IGLON5: variants seen among roughly 807,000 people sequenced by gnomAD.
The protein encoded by IGLON5 is IgLON family member 5, also known as Ig-like domain-containing protein ENSP00000270642.
A neutral mutation model predicts 38.2 loss-of-function variants in IGLON5; 16 were observed. The ratio of observed to expected loss-of-function variants is 0.42; its 90% confidence interval spans 0.28 to 0.64. The LOEUF is 0.64. Ranked by LOEUF, IGLON5 falls within the 30% of genes least tolerant of loss-of-function variation. IGLON5 has a pLI of 0.23. For synonymous variants in IGLON5, 207 were observed against 216.4 expected (o/e 0.96, Z 0.38); for missense variants, 366 against 483.4 (o/e 0.76, Z 2.28).
chr19:51,324,930 A>G lies in IGLON5; in HGVS notation c.392-416A>G, dbSNP rs932911650. ...TAGCATCTGTTACACAGAAAGTCCC[A>G]TGTGGGTATTTGTTAAATAAATTTA... is the stretch of plus-strand genomic sequence containing the variant. On this transcript the variant is annotated intron_variant, in intron 3 of 7. Transcript: ENST00000270642. This position sits in a 1 kb window ranked among gnomAD's most constrained non-coding sequence, Gnocchi z 4.2. Among the ~76,000 whole-genome samples the G allele has an allele frequency of 6.6e-5, 10 of 151,946 alleles. No homozygotes were observed. Among genetic ancestry groups the G allele is most frequent in the African/African-American group, 2.4e-4 (10 of 41,382 alleles).
At chr19:51,319,498 G>T (rs1189286803) in intron 1 of IGLON5, among the ~76,000 whole-genome samples, 1 of 152,064 alleles carries the variant, frequency 6.6e-6, no homozygotes, top group East Asian at 1.9e-4. Flanking sequence ...GGGAATCATG[G>T]TGCTCGCACC....
chr19:51,325,238 C>A lies in IGLON5; in HGVS notation c.392-108C>A. The A allele has an allele frequency of 6.7e-7, 1 of 1,492,418 alleles. No individual in the cohort carries two copies. Among genetic ancestry groups the A allele is most frequent in the South Asian group, 1.2e-5 (1 of 82,226 alleles). 92.4% of individuals were successfully genotyped at this position (1,492,418 alleles called of 1,614,324 possible). A position where few individuals can be genotyped will look rare whatever the true frequency, so the allele number is the denominator to read the frequency against. ...GGGCTGGGGGTCTGAACTCCTGGGTCTGAGGGAGGAGGAGGGGCTGGGGGT... is the reference window on the plus strand; with the variant it reads ...GGGCTGGGGGTCTGAACTCCTGGGTATGAGGGAGGAGGAGGGGCTGGGGGT... On this transcript the variant is annotated intron_variant, in intron 3 of 7. Coordinates refer to ENST00000270642, the MANE Select transcript of IGLON5 (RefSeq NM_001101372.3). The surrounding 1 kb of genome is among the most constrained non-coding windows in gnomAD (Gnocchi z 5.5).
intron 1 of IGLON5, among the ~76,000 whole-genome samples, chr19:51,320,018 C>G (rs1294709190): frequency 7.1e-6 from 1 of 140,892 alleles, no homozygotes; most frequent in African/African-American, 2.8e-5. Context: ...GTGCCTTGTC[C>G]AAGCCTGTGT....
Position 51,326,905 on chromosome 19 carries a change from C to T in IGLON5, c.646+7C>T. The T allele has an allele frequency of 6.4e-7, 1 of 1,569,540 alleles. No homozygotes were observed. On this transcript the variant is annotated splice_region_variant and intron_variant, in intron 5 of 7. Transcript: ENST00000270642. Reference sequence around the variant, plus strand: ...GTGCTGGTCACAGTCAACTGTGAGCCCCCCTGGCACTGGGCACGAAAGGGT... The same window carrying T: ...GTGCTGGTCACAGTCAACTGTGAGCTCCCCTGGCACTGGGCACGAAAGGGT...
chr19:51,317,141 G>C (rs537846585), intron 1 of IGLON5, among the ~76,000 whole-genome samples: 4 of 152,216 alleles, frequency 2.6e-5, no homozygotes, highest in South Asian at 2.1e-4. Flanking sequence ...AAAGTCACCT[G>C]CCTACCACCT....
chr19:51,327,945 G>A lies in IGLON5; in HGVS notation c.922+59G>A. ...GGGCGGGGCCGGGGGCGGGGCTAGG[G>A]AAGTGGAGACGCCGGGACCGCCCTT... On this transcript the variant is annotated intron_variant, in intron 7 of 7. Coordinates refer to ENST00000270642, the MANE Select transcript of IGLON5 (RefSeq NM_001101372.3). The surrounding 1 kb of genome is among the most constrained non-coding windows in gnomAD (Gnocchi z 7.1). 2.1e-6 allele frequency: 3 copies of A among 1,438,826 alleles called. No homozygotes were observed. Among genetic ancestry groups the A allele is most frequent in the Non-Finnish European group, 2.7e-6 (3 of 1,096,906 alleles). 89.1% of individuals were successfully genotyped at this position (1,438,826 alleles called of 1,614,324 possible).
chr19:51,328,527 C>G (rs926160771), intron 7 of IGLON5, 144 bp from the exon 8 acceptor site: 4 of 374,998 alleles, frequency 1.1e-5, no homozygotes, highest in Non-Finnish European at 1.5e-5. Context: ...AAAAAAGAAA[C>G]AGAGTCAGAA....
chr19:51,327,572 T>G lies in IGLON5; in HGVS notation c.768-160T>G, dbSNP rs1468338850. ...CAGGGTGCCTGGAGGGGGGCGGCGG[T>G]GGGAGTGACCCGAGGTACATGAGGT... On this transcript the variant is annotated intron_variant, in intron 6 of 7. Transcript: ENST00000270642. This position sits in a 1 kb window ranked among gnomAD's most constrained non-coding sequence, Gnocchi z 7.1. Among the ~76,000 whole-genome samples, 6 of 149,320 alleles carry G rather than the reference T, an allele frequency of 4.0e-5. No homozygotes were observed. Among genetic ancestry groups the G allele is most frequent in the African/African-American group, 1.5e-4 (6 of 40,236 alleles).
chr19:51,313,645 C>T (rs200080230), intron 1 of IGLON5, among the ~76,000 whole-genome samples: 42 of 65,840 alleles, frequency 6.4e-4, no homozygotes, highest in African/African-American at 3.4e-3. Flanking sequence ...CTCTCTCTCT[C>T]TTTTTCTTTC....
At position 51,325,320 on chromosome 19, in the gene IGLON5, T is replaced by C. The variant is rs375766782; in HGVS notation, c.392-26T>C. 3.2e-5 allele frequency: 52 copies of C among 1,609,300 alleles called. No individual in the cohort carries two copies. In the African/African-American group the frequency reaches 6.0e-4, roughly 19 times the overall value. ...GGGGGCCTGGATTCCTGGGCATCCA[T>C]ATTCAGCCTCTGCCGCTGCCCGCAG... On this transcript the variant is annotated intron_variant, in intron 3 of 7. Coordinates refer to ENST00000270642, the MANE Select transcript of IGLON5 (RefSeq NM_001101372.3). The surrounding 1 kb of genome is among the most constrained non-coding windows in gnomAD (Gnocchi z 5.5).
At chr19:51,312,282 C>T (rs945800594) in intron 1 of IGLON5, among the ~76,000 whole-genome samples, 1 of 147,252 alleles carries the variant, frequency 6.8e-6, no homozygotes, top group African/African-American at 2.5e-5. Flanking sequence ...TCGGGGTCCC[C>T]GGGTCGGATC....
intron 1 of IGLON5, among the ~76,000 whole-genome samples, chr19:51,321,577 G>T (rs1260366317): frequency 6.6e-6 from 1 of 152,170 alleles, no homozygotes. Flanking sequence ...ATCTGTGTCT[G>T]TGTATATGTG....
intron 2 of IGLON5, among the ~76,000 whole-genome samples, chr19:51,322,709 G>A (rs111074829): frequency 0.012 from 1,543 of 128,196 alleles, 23 homozygotes; most frequent in African/African-American, 0.041. Context: ...CTGTGTGTGT[G>A]TCTCTGTCCC....
At chr19:51,323,299 TCTCTCTCTGGGTCTCTGTCC>T (rs574968194) in intron 2 of IGLON5, among the ~76,000 whole-genome samples, 4,020 of 151,264 alleles carry the variant, frequency 0.027, 71 homozygotes, top group African/African-American at 0.032. Flanking sequence ...TCTCTGTCCT[TCTCTCTCTGGGTCTCTGTCC>T]CTCTCTCTGG....
At chr19:51,322,995 C>A (rs1482159504) in intron 2 of IGLON5, among the ~76,000 whole-genome samples, 2 of 150,166 alleles carry the variant, frequency 1.3e-5, no homozygotes, top group African/African-American at 2.5e-5. Flanking sequence ...GTCTCTCTCT[C>A]TCTGGGCCTC....
At position 51,325,742 on chromosome 19, in the gene IGLON5, C is replaced by T. The variant is rs1985200355; in HGVS notation, c.511+277C>T. ...GTCACTTCCCCAACCCCAGTGTCCC[C>T]GATGTCTCCCCACGCGCTCACAGCA... On this transcript the variant is annotated intron_variant, in intron 4 of 7. Coordinates refer to ENST00000270642, the MANE Select transcript of IGLON5 (RefSeq NM_001101372.3). This position sits in a 1 kb window ranked among gnomAD's most constrained non-coding sequence, Gnocchi z 5.5. Among the ~76,000 whole-genome samples, 2 of 152,128 alleles carry T rather than the reference C, an allele frequency of 1.3e-5. No individual in the cohort carries two copies. Among genetic ancestry groups the T allele is most frequent in the Non-Finnish European group, 2.9e-5 (2 of 68,024 alleles).
chr19:51,319,293 CTG>C (rs542048692), intron 1 of IGLON5, among the ~76,000 whole-genome samples: 3 of 121,316 alleles, frequency 2.5e-5, no homozygotes, highest in Non-Finnish European at 5.0e-5. Context: ...TTCCAATTCC[CTG>C]TGTGTGTGCG....
intron 7 of IGLON5, 39 bp from the exon 8 acceptor site, chr19:51,328,632 C>A: frequency 2.2e-6 from 3 of 1,386,126 alleles, no homozygotes; most frequent in Non-Finnish European, 2.9e-6. Flanking sequence ...GGGTTCCCCA[C>A]TCTCAGGCCT....
rs1301843278 is a variant in IGLON5, at chr19:51,311,865, CG to C, written c.22del (p.Ala8ProfsTer53). On this transcript the variant is annotated frameshift_variant, in exon 1 of 8. Transcript: ENST00000270642. LOFTEE classifies it high-confidence loss of function. MPPPAP[G>X]ARLRLLAAAA... ...CTGCCGCGATGCCCCCCCCTGCGCC[CG>C]GGGCCCGGCTCCGGCTTCTCGCCGC... 10 of 1,336,974 alleles carry C rather than the reference CG, an allele frequency of 7.5e-6. No homozygotes were observed. Among genetic ancestry groups the C allele is most frequent in the South Asian group, 3.6e-5 (2 of 54,798 alleles). 82.8% of individuals were successfully genotyped at this position (1,336,974 alleles called of 1,614,324 possible).
Sources: allele counts gnomAD v4.1 joint callset (sites outside exome capture counted in the v4.1 genomes callset), GRCh38; gene constraint gnomAD v4.1.1; non-coding constraint Gnocchi (gnomAD v3.1); transcripts MANE v1.5; gene names NCBI Gene and HGNC (gene_info 2026-07-23, HGNC 2026-07-21).